SLC16A14: variants seen among roughly 807,000 people sequenced by gnomAD.
The protein encoded by SLC16A14 is monocarboxylate transporter 14.
A neutral mutation model predicts 35.8 loss-of-function variants in SLC16A14; 14 were observed. That is an observed-to-expected ratio of 0.39 (90% CI 0.26 to 0.61). The LOEUF (loss-of-function observed/expected upper bound fraction) is 0.61, where lower values mean the gene tolerates loss of function less well. Ranked by LOEUF, SLC16A14 falls within the 20% of genes least tolerant of loss-of-function variation. The probability of loss-of-function intolerance (pLI) is 0.51; values close to 1 mark genes in which losing one functional copy is unlikely to be tolerated. For synonymous variants in SLC16A14, 248 were observed against 258.9 expected, an observed-to-expected ratio of 0.96 and a Z score of 0.40; for missense variants, 533 against 655.0, an observed-to-expected ratio of 0.81 and a Z score of 2.03.
intron 4 of SLC16A14, among the ~76,000 whole-genome samples, chr2:230,040,050 G>A (rs2077548128): frequency 6.6e-6 from 1 of 151,952 alleles, no homozygotes; most frequent in South Asian, 2.1e-4. Context: ...CTCCTTGTCT[G>A]AACATGTCCT....
chr2:230,041,867 G>A (rs184616627), intron 4 of SLC16A14, among the ~76,000 whole-genome samples: 1 of 152,290 alleles, frequency 6.6e-6, no homozygotes, highest in Non-Finnish European at 1.5e-5. Flanking sequence ...AGAGTGCAAT[G>A]TGGTCATTTA....
At chr2:230,067,781 G>A (rs1238435032) in intron 1 of SLC16A14, among the ~76,000 whole-genome samples, 8 of 152,178 alleles carry the variant, frequency 5.3e-5, no homozygotes, top group African/African-American at 1.9e-4. Context: ...GTTTAGCCCC[G>A]AAATGGCCGT....
At chr2:230,055,257 T>C (rs144617680) in intron 2 of SLC16A14, among the ~76,000 whole-genome samples, 2,657 of 152,252 alleles carry the variant, frequency 0.017, 49 homozygotes, top group Non-Finnish European at 0.029. Context: ...TGGCATGCAG[T>C]GCGTGCTAAA....
chr2:230,055,755 C>T (rs2077698818), intron 2 of SLC16A14, among the ~76,000 whole-genome samples: 1 of 152,154 alleles, frequency 6.6e-6, no homozygotes, highest in African/African-American at 2.4e-5. Context: ...AATATTGGGA[C>T]ATTTCATATC....
At chr2:230,040,214 C>CATTATTATTATTATT (rs138263085) in intron 4 of SLC16A14, among the ~76,000 whole-genome samples, 21 of 150,496 alleles carry the variant, frequency 1.4e-4, no homozygotes, top group Admixed American at 6.6e-4. Flanking sequence ...AAATTGAATT[C>CATTATTATTATTATT]ATTATTATTA....
At chr2:230,067,935 C>T (rs895300437) in intron 1 of SLC16A14, 2 of 152,222 alleles carry the variant, frequency 1.3e-5, no homozygotes, top group Admixed American at 6.5e-5. Flanking sequence ...CCCGCCCCCA[C>T]CCGCGCTCGG....
intron 1 of SLC16A14, among the ~76,000 whole-genome samples, chr2:230,067,561 T>C (rs1341715601): frequency 1.2e-4 from 9 of 73,074 alleles, no homozygotes; most frequent in Non-Finnish European, 2.9e-4. Context: ...TCTCTCTCTC[T>C]CTCTCTCTCT....
At chr2:230,042,375 G>A (rs553840784) in intron 4 of SLC16A14, among the ~76,000 whole-genome samples, 1 of 152,318 alleles carries the variant, frequency 6.6e-6, no homozygotes, top group Admixed American at 6.5e-5. Context: ...TGACCACAGG[G>A]AAGGGATAAG....
intron 4 of SLC16A14, among the ~76,000 whole-genome samples, chr2:230,040,698 A>T (rs1336349446): frequency 6.6e-6 from 1 of 152,216 alleles, no homozygotes; most frequent in Non-Finnish European, 1.5e-5. Context: ...TTGTAGGAGT[A>T]GTCCTAAATT....
In SLC16A14 at chr2:230,048,936, A is replaced by AC. The variant is rs1312610739; in HGVS notation, c.403+824_403+825insG. On this transcript the variant is annotated intron_variant, in intron 3 of 4. Coordinates refer to ENST00000295190, the MANE Select transcript of SLC16A14 (RefSeq NM_152527.5). ...GAAACTCCATCTCAAAAAAAAAAAA[A>AC]AAAAAAAAACAAATGATTATTAAAG... Among the ~76,000 whole-genome samples the AC allele has an allele frequency of 4.9e-4, 45 of 91,788 alleles. 1 individual carries two copies. Among genetic ancestry groups the AC allele is most frequent in the African/African-American group, 1.3e-3 (44 of 34,342 alleles). The allele number at this position is 91,788 out of a possible 152,430, so 60.2% of individuals were successfully genotyped here. A position where few individuals can be genotyped will look rare whatever the true frequency, so the allele number is the denominator to read the frequency against.
chr2:230,042,190 C>T (rs927285634), intron 4 of SLC16A14, among the ~76,000 whole-genome samples: 1 of 152,166 alleles, frequency 6.6e-6, no homozygotes, highest in African/African-American at 2.4e-5. Context: ...CGATTTCTAC[C>T]GTCCATGGTG....
At chr2:230,037,826 C>G (rs1043338161) in intron 4 of SLC16A14, among the ~76,000 whole-genome samples, 1 of 152,136 alleles carries the variant, frequency 6.6e-6, no homozygotes, top group African/African-American at 2.4e-5. Flanking sequence ...TGAAGCAATT[C>G]CCAGCTGACT....
intron 3 of SLC16A14, among the ~76,000 whole-genome samples, chr2:230,048,525 G>C (rs1418519874): frequency 6.6e-6 from 1 of 152,194 alleles, no homozygotes; most frequent in Non-Finnish European, 1.5e-5. Context: ...ATATTAACCT[G>C]TTCACTGGGA....
chr2:230,045,221 T>C (rs2077594220), intron 4 of SLC16A14, among the ~76,000 whole-genome samples: 1 of 152,222 alleles, frequency 6.6e-6, no homozygotes, highest in African/African-American at 2.4e-5. Flanking sequence ...ATCATGTGGA[T>C]AGGATCAAAA....
chr2:230,036,397 A>G lies in SLC16A14; in HGVS notation c.*983T>C, dbSNP rs974881259. The G allele has an allele frequency of 6.6e-6, 1 of 152,238 alleles. No homozygotes were observed. Among genetic ancestry groups the G allele is most frequent in the East Asian group, 1.9e-4 (1 of 5,206 alleles). The allele number at this position is 152,238 out of a possible 1,614,324, so 9.4% of individuals were successfully genotyped here. A position where few individuals can be genotyped will look rare whatever the true frequency, so the allele number is the denominator to read the frequency against. On this transcript the variant is annotated 3_prime_UTR_variant, in exon 5 of 5. Transcript: ENST00000295190. ...AGTGTCAGATGTGGCACAGACATCT[A>G]CACTAATGGCATTCCATTTATTATC...
Position 230,037,544 on chromosome 2 carries a change from A to G in SLC16A14, c.1382-13T>C. 1 of 1,589,120 alleles carries G rather than the reference A, an allele frequency of 6.3e-7. No homozygotes were observed. The highest frequency in any genetic ancestry group is 8.5e-7 in the Non-Finnish European group (1 of 1,171,352). ...TCATAGATCCACCCTACAAAACAAA[A>G]AAGAATATATTCAGTGTCATGGAGT... On this transcript the variant is annotated splice_polypyrimidine_tract_variant and intron_variant, in intron 4 of 4. Coordinates refer to ENST00000295190, the MANE Select transcript of SLC16A14 (RefSeq NM_152527.5).
At chr2:230,051,357 C>T (rs1024825038) in intron 2 of SLC16A14, among the ~76,000 whole-genome samples, 5 of 152,144 alleles carry the variant, frequency 3.3e-5, no homozygotes, top group East Asian at 1.9e-4. Flanking sequence ...GATAGGGTTT[C>T]GCCGTGTTGT....
intron 2 of SLC16A14, among the ~76,000 whole-genome samples, chr2:230,050,671 C>G (rs1042113321): frequency 7.9e-5 from 12 of 152,160 alleles, no homozygotes; most frequent in Non-Finnish European, 1.8e-4. Context: ...TTCACCTTCT[C>G]CTCCTATCAA....
intron 2 of SLC16A14, among the ~76,000 whole-genome samples, chr2:230,056,724 G>A (rs1386065167): frequency 6.6e-6 from 1 of 151,812 alleles, no homozygotes; most frequent in Admixed American, 6.6e-5. Context: ...TTAAAAATCA[G>A]CAGGGCATGG....
Sources: gnomAD v4.1 joint callset for allele counts (sites outside exome capture counted in the v4.1 genomes callset) on GRCh38, gnomAD v4.1.1 for gene constraint, MANE v1.5 for transcripts, NCBI Gene and HGNC (gene_info 2026-07-23, HGNC 2026-07-21) for gene names.